The following RARRES1 variants were observed in gnomAD, a reference collection of about 807,000 sequenced individuals.
The protein encoded by RARRES1 is retinoic acid receptor responder protein 1.
A neutral mutation model predicts 30.6 loss-of-function variants in RARRES1; 34 were observed. The observed-to-expected ratio is 1.11, with a 90% CI of 0.84 to 1.48. RARRES1 has a LOEUF of 1.48. Ranked by LOEUF, RARRES1 falls within the 40% of genes most tolerant of loss-of-function variation. RARRES1 has a pLI of 0.00. For synonymous variants in RARRES1, 153 were observed against 155.5 expected, an observed-to-expected ratio of 0.98 and a Z score of 0.12; for missense variants, 373 against 386.5, an observed-to-expected ratio of 0.97 and a Z score of 0.29.
At chr3:158,708,114 G>T (rs1280121782) in intron 3 of RARRES1, among the ~76,000 whole-genome samples, 4 of 152,116 alleles carry the variant, frequency 2.6e-5, no homozygotes, top group Admixed American at 2.6e-4. Context: ...GCTATGAGCA[G>T]CTGAACCATA....
intron 3 of RARRES1, among the ~76,000 whole-genome samples, chr3:158,706,058 A>G (rs557491370): frequency 6.6e-6 from 1 of 152,320 alleles, no homozygotes; most frequent in South Asian, 2.1e-4. Flanking sequence ...AATACTAACA[A>G]ACTTATTAGG....
chr3:158,706,416 C>T (rs772434494), intron 3 of RARRES1, among the ~76,000 whole-genome samples: 2 of 152,086 alleles, frequency 1.3e-5, no homozygotes, highest in Non-Finnish European at 1.5e-5. Flanking sequence ...AAAGTGAGCA[C>T]GTGAAGGTAG....
At chr3:158,721,011 C>T (rs2108149015) in intron 1 of RARRES1, among the ~76,000 whole-genome samples, 1 of 152,168 alleles carries the variant, frequency 6.6e-6, no homozygotes, top group East Asian at 1.9e-4. Flanking sequence ...AAAGGTGATC[C>T]AAGACTTTAG....
intron 1 of RARRES1, among the ~76,000 whole-genome samples, 163 bp from the exon 2 acceptor site, chr3:158,714,022 C>G (rs1454220435): frequency 6.6e-6 from 1 of 152,062 alleles, no homozygotes; most frequent in African/African-American, 2.4e-5. Context: ...AAATTTTGTT[C>G]TGATTGTGCC....
Position 158,697,493 on chromosome 3 carries a change from A to T in RARRES1, c.*185T>A, listed in dbSNP as rs1003533940. On this transcript the variant is annotated 3_prime_UTR_variant, in exon 6 of 6. Transcript: ENST00000237696. ...CAGAGTTCAGTGTGCATGCGCTTCC[A>T]GAGTTAAAAGCTAAAGCAGACTGAG... The T allele has an allele frequency of 6.4e-5, 40 of 623,168 alleles. No homozygotes were observed. The highest frequency in any genetic ancestry group is 9.9e-5 in the Non-Finnish European group (37 of 372,526). 38.6% of individuals were successfully genotyped at this position (623,168 alleles called of 1,614,324 possible). A position where few individuals can be genotyped will look rare whatever the true frequency, so the allele number is the denominator to read the frequency against.
At chr3:158,726,016 C>T (rs893776697) in intron 1 of RARRES1, among the ~76,000 whole-genome samples, 20 of 152,254 alleles carry the variant, frequency 1.3e-4, no homozygotes, top group African/African-American at 4.8e-4. Context: ...ATATCCCCCT[C>T]CCTGCTGTTC....
rs775449820 is a variant in RARRES1 at position 158,697,934 on chromosome 3, C to G, written c.709G>C (p.Val237Leu). The change falls in exon 5 of 6, where the codon GTT (valine) becomes CTT (leucine). Residue 237 changes from valine (V) to leucine (L), a missense_variant. Val to Leu is a conservative substitution (Grantham distance 32, BLOSUM62 1). Coordinates refer to ENST00000237696, the MANE Select transcript of RARRES1 (RefSeq NM_206963.2). ...NDDTIDFDYT[V>L]LLHELSTQEI... ...TGTGTTGATAATTCATGAAGTAGAA[C>G]AGTATAATCAAAATCAATTGTATCA... 1.4e-5 allele frequency: 21 copies of G among 1,546,624 alleles called. No individual in the cohort carries two copies. Among genetic ancestry groups the G allele is most frequent in the Admixed American group, 8.4e-5 (5 of 59,368 alleles).
intron 1 of RARRES1, among the ~76,000 whole-genome samples, chr3:158,729,152 C>T (rs1227822418): frequency 6.6e-6 from 1 of 151,998 alleles, no homozygotes; most frequent in Non-Finnish European, 1.5e-5. Context: ...ACATTGTTGG[C>T]AGAACATGAA....
At chr3:158,710,212 T>G (rs1302591577) in intron 3 of RARRES1, among the ~76,000 whole-genome samples, 1 of 151,750 alleles carries the variant, frequency 6.6e-6, no homozygotes, top group African/African-American at 2.4e-5. Flanking sequence ...AGGAGTTTTT[T>G]TTTTTTTTTT....
At chr3:158,728,513 T>TTTC (rs1221588580) in intron 1 of RARRES1, among the ~76,000 whole-genome samples, 1 of 135,118 alleles carries the variant, frequency 7.4e-6, no homozygotes. Flanking sequence ...TTTCTTTTTC[T>TTTC]TTCTTTTTTT....
At position 158,724,538 on chromosome 3, in the gene RARRES1, C is replaced by T. The variant is rs149098897; in HGVS notation, c.276+7602G>A. On this transcript the variant is annotated intron_variant, in intron 1 of 5. Transcript: ENST00000237696. ...AGGAGCACAGGTGGTCTCTAGAAGC[C>T]GGAAATGGATTCTCCTCTAGAGCCT... Among the ~76,000 whole-genome samples the T allele has an allele frequency of 3.0e-3, 457 of 152,164 alleles. 1 individual carries two copies. The highest frequency in any genetic ancestry group is 9.3e-3 in the African/African-American group (386 of 41,504).
rs139208217 is a variant in RARRES1 at position 158,704,860 on chromosome 3, G to T, written c.603C>A (p.Tyr201Ter). 4.3e-6 allele frequency: 7 copies of T among 1,613,904 alleles called. No individual in the cohort carries two copies. Among genetic ancestry groups the T allele is most frequent in the Non-Finnish European group, 5.9e-6 (7 of 1,180,016 alleles). Reference protein sequence around the residue: ...IWDLAFLGSSYVMWEMTTQVS... With the variant: ...IWDLAFLGSS ...CCTGTGTTGTCATTTCCCACATCAC[G>T]TAAGAGCTTCCAAGGAAAGCCAAAT... The change falls in exon 4 of 6, where the codon TAC (tyrosine) becomes TAA (stop). Residue 201 changes from tyrosine (Y) to a stop codon, truncating the protein, a stop_gained. Transcript: ENST00000237696. LOFTEE classifies it high-confidence loss of function.
intron 1 of RARRES1, among the ~76,000 whole-genome samples, chr3:158,728,200 C>G (rs1727750361): frequency 6.9e-6 from 1 of 144,410 alleles, no homozygotes; most frequent in Non-Finnish European, 1.5e-5. Context: ...GTAGTCTATA[C>G]TATTTCGTTT....
chr3:158,698,750 T>G (rs534732375), intron 4 of RARRES1, among the ~76,000 whole-genome samples: 2 of 152,282 alleles, frequency 1.3e-5, no homozygotes, highest in South Asian at 4.1e-4. Context: ...AAAAATACCT[T>G]AATTTGGATT....
intron 1 of RARRES1, among the ~76,000 whole-genome samples, chr3:158,728,734 GGCTGGTCTTGAACTCC>G (rs1266133728): frequency 1.3e-5 from 2 of 151,984 alleles, no homozygotes; most frequent in African/African-American, 4.8e-5. Flanking sequence ...ATGTTGGCCA[GGCTGGTCTTGAACTCC>G]TGACCTCAAG....
intron 4 of RARRES1, among the ~76,000 whole-genome samples, chr3:158,700,202 A>AGT (rs138755640): frequency 0.16 from 23,027 of 147,454 alleles, 1,846 homozygotes; most frequent in South Asian, 0.22. Context: ...AATAATAATA[A>AGT]GTGTGTGTGT....
At chr3:158,698,756 G>A (rs1726631701) in intron 4 of RARRES1, among the ~76,000 whole-genome samples, 1 of 150,758 alleles carries the variant, frequency 6.6e-6, no homozygotes, top group Admixed American at 6.6e-5. Flanking sequence ...ACCTTAATTT[G>A]GATTATAATT....
intron 1 of RARRES1, among the ~76,000 whole-genome samples, chr3:158,726,126 T>G (rs1727675559): frequency 6.6e-6 from 1 of 152,214 alleles, no homozygotes; most frequent in African/African-American, 2.4e-5. Flanking sequence ...CTTAGTTCAC[T>G]TGAGTATTTT....
At chr3:158,716,535 A>G (rs1421615469) in intron 1 of RARRES1, among the ~76,000 whole-genome samples, 1 of 152,070 alleles carries the variant, frequency 6.6e-6, no homozygotes, top group Non-Finnish European at 1.5e-5. Flanking sequence ...CTGTCCTTTT[A>G]AAGAGTTATT....
Sources: gnomAD v4.1 joint callset for allele counts (sites outside exome capture counted in the v4.1 genomes callset) on GRCh38, gnomAD v4.1.1 for gene constraint, MANE v1.5 for transcripts, NCBI Gene and HGNC (gene_info 2026-07-23, HGNC 2026-07-21) for gene names.